STX8: variants seen among roughly 807,000 people sequenced by gnomAD.
STX8 encodes the protein syntaxin-8.
Under a neutral mutation model 37.5 loss-of-function variants are expected in STX8, and 23 were observed. The observed-to-expected ratio is 0.61, with a 90% CI of 0.44 to 0.87. STX8 has a LOEUF of 0.87. Ranked by LOEUF, STX8 falls within the 40% of genes least tolerant of loss-of-function variation. The pLI, the probability that STX8 is intolerant of heterozygous loss-of-function variation, is 0.00. For missense variants in STX8, 313 were observed against 284.7 expected (o/e 1.10, Z -0.71); for synonymous variants, 115 against 99.1 (o/e 1.16, Z -0.95).
intron 4 of STX8, among the ~76,000 whole-genome samples, chr17:9,532,595 A>G (rs1905863665): frequency 6.6e-6 from 1 of 152,246 alleles, no homozygotes. Context: ...ACAATTTTGT[A>G]CAGTTTAACA....
chr17:9,414,073 C>A (rs1241267693), intron 6 of STX8, among the ~76,000 whole-genome samples: 4,075 of 47,498 alleles, frequency 0.086, 1 homozygote, highest in East Asian at 0.21. Flanking sequence ...CATCCATCCA[C>A]CCATCTGTCC....
chr17:9,573,578 T>C (rs1474355834), intron 1 of STX8, among the ~76,000 whole-genome samples: 3 of 152,184 alleles, frequency 2.0e-5, no homozygotes, highest in African/African-American at 7.2e-5. Flanking sequence ...TGGGCACAGG[T>C]CTTCAGAACC....
At chr17:9,259,247 A>G (rs1249438591) in intron 7 of STX8, among the ~76,000 whole-genome samples, 1 of 152,228 alleles carries the variant, frequency 6.6e-6, no homozygotes, top group Admixed American at 6.5e-5. Context: ...CGGAAGATAC[A>G]GTACATGAAA....
At chr17:9,544,969 T>C (rs1203638372) in intron 4 of STX8, among the ~76,000 whole-genome samples, 1 of 152,150 alleles carries the variant, frequency 6.6e-6, no homozygotes, top group Non-Finnish European at 1.5e-5. Context: ...CACTCCAGCC[T>C]GGGTGACAGA....
chr17:9,296,189 C>G (rs1225503441), intron 7 of STX8, among the ~76,000 whole-genome samples: 1 of 145,796 alleles, frequency 6.9e-6, no homozygotes, highest in Non-Finnish European at 1.5e-5. Context: ...GACTCCGTCT[C>G]AAAAAAATTA....
At chr17:9,535,482 G>C (rs767980464) in intron 4 of STX8, among the ~76,000 whole-genome samples, 2 of 118,460 alleles carry the variant, frequency 1.7e-5, no homozygotes, top group Non-Finnish European at 1.7e-5. Flanking sequence ...ACCCAGGCTG[G>C]AGTGCAGTGG....
intron 7 of STX8, among the ~76,000 whole-genome samples, chr17:9,319,827 T>G (rs893592393): frequency 6.6e-6 from 1 of 151,126 alleles, no homozygotes; most frequent in Non-Finnish European, 1.5e-5. Flanking sequence ...GTCACACACT[T>G]GTAATCCGAG....
At chr17:9,353,605 C>T (rs1385383233) in intron 7 of STX8, among the ~76,000 whole-genome samples, 1 of 152,170 alleles carries the variant, frequency 6.6e-6, no homozygotes, top group Non-Finnish European at 1.5e-5. Flanking sequence ...TACTCACTTA[C>T]TCTCCCCAAC....
chr17:9,335,667 GATT>G (rs1248946424), intron 7 of STX8, among the ~76,000 whole-genome samples: 1 of 151,972 alleles, frequency 6.6e-6, no homozygotes. Context: ...ACAGTAAATT[GATT>G]ATTTTTTAAA....
chr17:9,559,763 T>TTTA (rs1173394141), intron 2 of STX8, among the ~76,000 whole-genome samples: 1 of 93,972 alleles, frequency 1.1e-5, no homozygotes, highest in African/African-American at 4.5e-5. Context: ...TATATATATT[T>TTTA]TTTTTTTTTT....
chr17:9,485,046 G>A (rs1474008559), intron 6 of STX8, among the ~76,000 whole-genome samples: 1 of 152,192 alleles, frequency 6.6e-6, no homozygotes, highest in Non-Finnish European at 1.5e-5. Context: ...CCCGGCTACT[G>A]AGGAGGCTGA....
At chr17:9,515,414 T>A (rs1234099152) in intron 4 of STX8, among the ~76,000 whole-genome samples, 1 of 152,340 alleles carries the variant, frequency 6.6e-6, no homozygotes, top group East Asian at 1.9e-4. Flanking sequence ...TGGTCTCAAG[T>A]ATACTAATTA....
At position 9,507,998 on chromosome 17, in the gene STX8, T is replaced by G. The variant is rs1021609052; in HGVS notation, c.324-2836A>C. ...TCCACCAGATGCATAGACATCAACA[T>G]AGGGATACATCGAACATGAAAAAGC... On this transcript the variant is annotated intron_variant, in intron 4 of 7. Coordinates refer to ENST00000306357, the MANE Select transcript of STX8 (RefSeq NM_004853.3). This position sits in a 1 kb window ranked among gnomAD's most constrained non-coding sequence, Gnocchi z 4.0. 2.0e-5 allele frequency among the ~76,000 whole-genome samples: 3 copies of G among 152,052 alleles called. No homozygotes were observed. The highest frequency in any genetic ancestry group is 2.9e-5 in the Non-Finnish European group (2 of 68,012).
intron 1 of STX8, among the ~76,000 whole-genome samples, chr17:9,571,276 A>G (rs1907676573): frequency 1.3e-5 from 2 of 152,198 alleles, no homozygotes; most frequent in Admixed American, 1.3e-4. Flanking sequence ...ATCTTTAAAA[A>G]AATAACAATG....
chr17:9,255,398 A>C (rs1906751420), intron 7 of STX8, among the ~76,000 whole-genome samples: 1 of 152,066 alleles, frequency 6.6e-6, no homozygotes, highest in East Asian at 1.9e-4. Flanking sequence ...ATGGTGGTGC[A>C]CGCTTGTAGT....
intron 6 of STX8, among the ~76,000 whole-genome samples, chr17:9,445,043 C>T (rs937036929): frequency 3.9e-5 from 6 of 152,078 alleles, no homozygotes; most frequent in South Asian, 4.2e-4. Flanking sequence ...ATGTGTAGTT[C>T]GAGTGGAGAA....
chr17:9,255,088 TAC>T (rs1313038604), intron 7 of STX8, among the ~76,000 whole-genome samples: 1 of 152,146 alleles, frequency 6.6e-6, no homozygotes, highest in African/African-American at 2.4e-5. Flanking sequence ...CCTTTCATAG[TAC>T]AGTTTTAGCG....
chr17:9,315,100 CAAAA>C (rs58632329), intron 7 of STX8, among the ~76,000 whole-genome samples: 3 of 108,964 alleles, frequency 2.8e-5, no homozygotes, highest in Non-Finnish European at 2.0e-5. Context: ...GACTCTGTCT[CAAAA>C]AAAAAAAAAA....
At chr17:9,276,871 C>T (rs911484628) in intron 7 of STX8, among the ~76,000 whole-genome samples, 1 of 151,798 alleles carries the variant, frequency 6.6e-6, no homozygotes, top group Admixed American at 6.6e-5. Context: ...CTCCTGATCT[C>T]GTGATCCGCC....
Sources: gnomAD v4.1 joint callset for allele counts (sites outside exome capture counted in the v4.1 genomes callset) on GRCh38, gnomAD v4.1.1 for gene constraint, Gnocchi (gnomAD v3.1) non-coding constraint, MANE v1.5 for transcripts, NCBI Gene and HGNC (gene_info 2026-07-23, HGNC 2026-07-21) for gene names.